The following DPP6 variants were observed in gnomAD, a reference collection of about 807,000 sequenced individuals.
The protein encoded by DPP6 is dipeptidyl peptidase like 6, also known as A-type potassium channel modulatory protein DPP6.
A neutral mutation model predicts 122.6 loss-of-function variants in DPP6; 69 were observed. The observed-to-expected ratio is 0.56, with a 90% CI of 0.46 to 0.69. DPP6 has a LOEUF of 0.69. Ranked by LOEUF, DPP6 falls within the 30% of genes least tolerant of loss-of-function variation. DPP6 has a pLI of 0.00. For synonymous variants in DPP6, 418 were observed against 433.1 expected (o/e 0.97, Z 0.43); for missense variants, 928 against 1,116.9 (o/e 0.83, Z 2.41).
intron 1 of DPP6, among the ~76,000 whole-genome samples, chr7:154,266,034 C>T (rs753051693): frequency 6.6e-6 from 1 of 152,128 alleles, no homozygotes; most frequent in Non-Finnish European, 1.5e-5. Flanking sequence ...CATCCCCCTC[C>T]CATTATGGAC....
chr7:154,666,825 T>C (rs2131086659), intron 6 of DPP6, among the ~76,000 whole-genome samples: 1 of 152,288 alleles, frequency 6.6e-6, no homozygotes, highest in Non-Finnish European at 1.5e-5. Flanking sequence ...TATTTGTGCA[T>C]TGTTTGAGGT....
intron 2 of DPP6, among the ~76,000 whole-genome samples, chr7:154,471,839 T>G (rs75806387): frequency 0.03 from 4,584 of 152,276 alleles, 251 homozygotes; most frequent in African/African-American, 0.1. Context: ...AGCATGAAAC[T>G]ATAAAATATG....
Position 154,632,412 on chromosome 7 carries a change from G to A in DPP6, c.628-5409G>A, listed in dbSNP as rs567411345. Among the ~76,000 whole-genome samples, 54 of 152,284 alleles carry A rather than the reference G, an allele frequency of 3.5e-4. 1 individual carries two copies. The South Asian group carries it at 9.1e-3, about 26-fold the overall frequency. ...GAAAGTTACTGATTAGAAATTGGGC[G>A]CTATTTGATTGAATTGGAGTAGGGG... On this transcript the variant is annotated intron_variant, in intron 5 of 25. Transcript: ENST00000377770.
chr7:154,361,666 A>AAGC (rs1241425336), intron 1 of DPP6, among the ~76,000 whole-genome samples: 1 of 151,892 alleles, frequency 6.6e-6, no homozygotes, highest in South Asian at 2.1e-4. Context: ...ACTGTTGTTG[A>AAGC]AGCAGCAATG....
chr7:154,384,794 A>G lies in DPP6; in HGVS notation c.244-61420A>G, dbSNP rs919709333. 6.0e-5 allele frequency among the ~76,000 whole-genome samples: 9 copies of G among 150,254 alleles called. No homozygotes were observed. The South Asian group carries it at 1.9e-3, about 31-fold the overall frequency. The stretch of plus-strand genomic sequence containing the variant: ...TGTCGCCCAGGTGACATTTCTCACA[A>G]TAGCAAAAGTTTGAAATATGAGTGT... On this transcript the variant is annotated intron_variant, in intron 1 of 25. Transcript: ENST00000377770.
At chr7:153,944,380 G>A (rs1160017810) in intron 1 of DPP6, among the ~76,000 whole-genome samples, 1 of 152,182 alleles carries the variant, frequency 6.6e-6, no homozygotes. Flanking sequence ...AAGGCAGCAG[G>A]GCCCTGCCGG....
intron 7 of DPP6, among the ~76,000 whole-genome samples, chr7:154,724,646 C>G (rs1841980027): frequency 1.3e-5 from 2 of 152,168 alleles, no homozygotes; most frequent in Non-Finnish European, 2.9e-5. Context: ...CCTCCAGGAG[C>G]TGGCTCCTGG....
chr7:154,380,226 G>T (rs911829625), intron 1 of DPP6, among the ~76,000 whole-genome samples: 1 of 152,210 alleles, frequency 6.6e-6, no homozygotes. Flanking sequence ...TGTGGTAAAA[G>T]AGGGGTAAGA....
chr7:153,914,118 G>T (rs1054631697), intron 1 of DPP6, among the ~76,000 whole-genome samples: 1 of 152,074 alleles, frequency 6.6e-6, no homozygotes, highest in African/African-American at 2.4e-5. Flanking sequence ...GAATCATGGG[G>T]GTGGGTCTTT....
intron 1 of DPP6, among the ~76,000 whole-genome samples, chr7:154,269,496 A>C (rs1324926125): frequency 6.6e-6 from 1 of 152,126 alleles, no homozygotes; most frequent in African/African-American, 2.4e-5. Flanking sequence ...GTATTGTACC[A>C]TCCCAGTAGG....
intron 16 of DPP6, among the ~76,000 whole-genome samples, chr7:154,834,198 T>C (rs1463981552): frequency 6.6e-6 from 1 of 151,792 alleles, no homozygotes; most frequent in Non-Finnish European, 1.5e-5. Flanking sequence ...CCGGGTGCAG[T>C]GGCTCACTCC....
At chr7:153,982,044 T>A (rs1291549283) in intron 1 of DPP6, among the ~76,000 whole-genome samples, 1 of 152,164 alleles carries the variant, frequency 6.6e-6, no homozygotes, top group Non-Finnish European at 1.5e-5. Context: ...TCTTGAGGAG[T>A]ATCTTTGTGG....
intron 10 of DPP6, among the ~76,000 whole-genome samples, chr7:154,790,839 A>AGGAGGGAGGGAGGGGAGG (rs1426774840): frequency 1.5e-5 from 1 of 67,740 alleles, no homozygotes; most frequent in African/African-American, 6.0e-5. Context: ...GAGGAAAGGA[A>AGGAGGGAGGGAGGGGAGG]GGAGGGAGGG....
chr7:154,112,660 AAAGG>A (rs1806675604), intron 1 of DPP6, among the ~76,000 whole-genome samples: 1 of 152,122 alleles, frequency 6.6e-6, no homozygotes, highest in Admixed American at 6.6e-5. Flanking sequence ...AAGAAAAAAA[AAAGG>A]AATCTCTCAG....
intron 13 of DPP6, among the ~76,000 whole-genome samples, chr7:154,803,214 C>T (rs1012881522): frequency 6.6e-6 from 1 of 152,246 alleles, no homozygotes; most frequent in African/African-American, 2.4e-5. Flanking sequence ...CCTTCCAGAA[C>T]AGCTGCCCAT....
At chr7:154,701,742 C>A (rs569671440) in intron 7 of DPP6, among the ~76,000 whole-genome samples, 4 of 152,234 alleles carry the variant, frequency 2.6e-5, no homozygotes, top group South Asian at 4.1e-4. Flanking sequence ...TTCATTGGGC[C>A]AGAAAAAAAT....
chr7:153,753,211 T>C, the DPP6 span, among the ~76,000 whole-genome samples: 1 of 151,466 alleles, frequency 6.6e-6, no homozygotes, highest in South Asian at 2.1e-4. Flanking sequence ...TGGGTTCTTT[T>C]ATATTTATCC....
chr7:153,953,212 C>G (rs1181153218), intron 1 of DPP6, among the ~76,000 whole-genome samples: 1 of 152,060 alleles, frequency 6.6e-6, no homozygotes, highest in Non-Finnish European at 1.5e-5. Context: ...CTTTAAATTT[C>G]CAGAGTGTCC....
intron 4 of DPP6, 45 bp from the exon 5 acceptor site, chr7:154,566,797 G>C: frequency 9.0e-7 from 1 of 1,110,358 alleles, no homozygotes; most frequent in Non-Finnish European, 1.3e-6. Flanking sequence ...ATTCTGACTT[G>C]TTGTATGTAA....
Sources: allele counts gnomAD v4.1 joint callset (sites outside exome capture counted in the v4.1 genomes callset), GRCh38; gene constraint gnomAD v4.1.1; transcripts MANE v1.5; gene names NCBI Gene and HGNC (gene_info 2026-07-23, HGNC 2026-07-21).